DROSHA: variants seen among roughly 807,000 people sequenced by gnomAD.
DROSHA encodes drosha ribonuclease III, also known as ribonuclease 3.
Under a neutral mutation model 181.9 loss-of-function variants are expected in DROSHA, and 56 were observed. The observed-to-expected ratio is 0.31, with a 90% CI of 0.25 to 0.38. The LOEUF is 0.38. Among genes scored for constraint, DROSHA ranks in the 10% least tolerant of loss-of-function variants. The probability of loss-of-function intolerance (pLI) is 1.00; values close to 1 mark genes in which losing one functional copy is unlikely to be tolerated. For missense variants in DROSHA, 1,218 were observed against 1,743.5 expected (o/e 0.70, Z 5.37); for synonymous variants, 524 against 591.2 (o/e 0.89, Z 1.65).
chr5:31,491,659 G>C (rs1752430815), intron 13 of DROSHA, among the ~76,000 whole-genome samples: 1 of 147,722 alleles, frequency 6.8e-6, no homozygotes, highest in Admixed American at 6.8e-5. Flanking sequence ...AAGGCTATGA[G>C]ATTCGGTGTA....
intron 31 of DROSHA, among the ~76,000 whole-genome samples, chr5:31,410,074 T>A (rs2149987608): frequency 6.6e-6 from 1 of 152,262 alleles, no homozygotes; most frequent in Admixed American, 6.5e-5. Context: ...AGTTCCTTAG[T>A]CAGAATGCCT....
chr5:31,449,800 G>C (rs761896726), intron 21 of DROSHA, among the ~76,000 whole-genome samples: 1 of 152,088 alleles, frequency 6.6e-6, no homozygotes, highest in East Asian at 1.9e-4. Context: ...GCAGGAAAGG[G>C]AGCTGTCTAT....
chr5:31,460,092 T>C (rs950736816), intron 20 of DROSHA, among the ~76,000 whole-genome samples: 10 of 152,320 alleles, frequency 6.6e-5, no homozygotes, highest in Non-Finnish European at 1.5e-4. Context: ...TTAACCTCAG[T>C]GTGTGAAACC....
intron 6 of DROSHA, among the ~76,000 whole-genome samples, chr5:31,518,005 A>G (rs1359227652): frequency 6.6e-6 from 1 of 152,252 alleles, no homozygotes; most frequent in East Asian, 1.9e-4. Flanking sequence ...ACAGAGATAT[A>G]GTCTAAGAAA....
At chr5:31,484,836 G>A in intron 15 of DROSHA, 45 bp downstream of exon 15, 2 of 1,344,076 alleles carry the variant, frequency 1.5e-6, no homozygotes, top group South Asian at 1.4e-5. Context: ...ATACCATAAT[G>A]TTCTTCCATA....
Position 31,401,233 on chromosome 5 carries a change from TAGA to T in DROSHA, c.*196_*198del. The T allele has an allele frequency of 1.5e-6, 1 of 656,390 alleles. No individual in the cohort carries two copies. The highest frequency in any genetic ancestry group is 2.5e-6 in the Non-Finnish European group (1 of 398,054). The allele number at this position is 656,390 out of a possible 1,614,324, so 40.7% of individuals were successfully genotyped here. A position where few individuals can be genotyped will look rare whatever the true frequency, so the allele number is the denominator to read the frequency against. ...CACCAAAGTCAAGTTTTCCGTTAAA[TAGA>T]AGAAAAATCTAATACTTTGTAATAA... On this transcript the variant is annotated 3_prime_UTR_variant, in exon 36 of 36. Coordinates refer to ENST00000344624, the MANE Select transcript of DROSHA (RefSeq NM_001382508.1).
chr5:31,483,100 C>A (rs1051752971), intron 16 of DROSHA, among the ~76,000 whole-genome samples: 4 of 151,886 alleles, frequency 2.6e-5, no homozygotes, highest in Non-Finnish European at 4.4e-5. Flanking sequence ...TATTTTATAC[C>A]TTTTTTTCAC....
intron 3 of DROSHA, among the ~76,000 whole-genome samples, 175 bp from the exon 4 acceptor site, chr5:31,529,280 C>T (rs1164064202): frequency 1.3e-5 from 2 of 152,132 alleles, no homozygotes; most frequent in African/African-American, 4.8e-5. Flanking sequence ...TTTTTAATGT[C>T]CTTAAATTTT....
In DROSHA at chr5:31,401,614, A is replaced by G. The variant is rs1476043449; in HGVS notation, c.3995-52T>C. ...TTAATAAAATTATATTTAATAATCT[A>G]GTGCAAAGAATAATGCAACTAAACA... On this transcript the variant is annotated intron_variant, in intron 35 of 35. Transcript: ENST00000344624. 3 of 1,193,110 alleles carry G rather than the reference A, an allele frequency of 2.5e-6. No homozygotes were observed. The African/African-American group carries it at 4.8e-5, about 19-fold the overall frequency. 73.9% of individuals were successfully genotyped at this position (1,193,110 alleles called of 1,614,324 possible).
At chr5:31,418,218 G>A (rs546007183) in intron 30 of DROSHA, among the ~76,000 whole-genome samples, 1 of 149,360 alleles carries the variant, frequency 6.7e-6, no homozygotes, top group Non-Finnish European at 1.5e-5. Flanking sequence ...ATGTGTGTGT[G>A]GTGTGTGTGT....
intron 16 of DROSHA, among the ~76,000 whole-genome samples, chr5:31,476,432 T>C (rs1225293997): frequency 6.6e-6 from 1 of 152,150 alleles, no homozygotes; most frequent in Non-Finnish European, 1.5e-5. Flanking sequence ...CTTATTTAGG[T>C]ACAACGCTAA....
chr5:31,510,969 T>C, intron 9 of DROSHA, 66 bp downstream of exon 9: 2 of 1,576,226 alleles, frequency 1.3e-6, no homozygotes, highest in East Asian at 2.3e-5. Flanking sequence ...CAAGGGTATT[T>C]CCCCAAAATT....
intron 4 of DROSHA, among the ~76,000 whole-genome samples, chr5:31,527,909 A>G (rs1354425494): frequency 6.6e-6 from 1 of 152,192 alleles, no homozygotes; most frequent in African/African-American, 2.4e-5. Context: ...AAGTGACATG[A>G]TCAGTGCCCA....
chr5:31,405,329 T>G (rs981971551), intron 35 of DROSHA, among the ~76,000 whole-genome samples: 1 of 150,480 alleles, frequency 6.6e-6, no homozygotes, highest in Non-Finnish European at 1.5e-5. Flanking sequence ...GAGCCAAGAT[T>G]GTGCCACTGC....
At chr5:31,430,114 G>C (rs958099582) in intron 26 of DROSHA, among the ~76,000 whole-genome samples, 3 of 152,114 alleles carry the variant, frequency 2.0e-5, no homozygotes, top group Non-Finnish European at 4.4e-5. Context: ...AATTACAATG[G>C]AGTACTCATA....
chr5:31,504,518 C>T, intron 11 of DROSHA, 37 bp downstream of exon 11: 1 of 1,607,718 alleles, frequency 6.2e-7, no homozygotes, highest in African/African-American at 1.3e-5. Context: ...CTTCTGGCTT[C>T]TCAGCATTTA....
intron 10 of DROSHA, among the ~76,000 whole-genome samples, chr5:31,507,906 TA>T (rs921076705): frequency 1.8e-4 from 27 of 151,964 alleles, no homozygotes; most frequent in African/African-American, 6.3e-4. Flanking sequence ...AGACGTTCTA[TA>T]AAAAAAAGAT....
chr5:31,461,380 A>T (rs1748385140), intron 20 of DROSHA, among the ~76,000 whole-genome samples: 1 of 152,218 alleles, frequency 6.6e-6, no homozygotes, highest in South Asian at 2.1e-4. Context: ...CAACTGTGGC[A>T]AAAACTCTTA....
chr5:31,466,843 A>C (rs2150026026), intron 18 of DROSHA, among the ~76,000 whole-genome samples: 1 of 152,324 alleles, frequency 6.6e-6, no homozygotes, highest in East Asian at 1.9e-4. Context: ...TTACCATGAC[A>C]ATATAAGCAT....
Sources: allele counts gnomAD v4.1 joint callset (sites outside exome capture counted in the v4.1 genomes callset), GRCh38; gene constraint gnomAD v4.1.1; transcripts MANE v1.5; gene names NCBI Gene and HGNC (gene_info 2026-07-23, HGNC 2026-07-21).